FLI1: variants seen among roughly 807,000 people sequenced by gnomAD.
FLI1 encodes Friend leukemia integration 1 transcription factor.
FLI1 carries 13 observed loss-of-function variants against 53.1 expected under a neutral mutation model. The observed-to-expected ratio is 0.24, with a 90% CI of 0.16 to 0.39. The LOEUF (loss-of-function observed/expected upper bound fraction) is 0.39. Among genes scored for constraint, FLI1 ranks in the 10% least tolerant of loss-of-function variants. The pLI is 1.00. For missense variants in FLI1, 424 were observed against 600.5 expected (o/e 0.71, Z 3.07); for synonymous variants, 244 against 236.7 (o/e 1.03, Z -0.28).
intron 5 of FLI1, among the ~76,000 whole-genome samples, chr11:128,792,889 A>G (rs538416013): frequency 6.6e-6 from 1 of 152,256 alleles, no homozygotes; most frequent in Non-Finnish European, 1.5e-5. Context: ...ACCCAAGGTG[A>G]GAGGATCACT....
At chr11:128,807,091 A>G in intron 6 of FLI1, 89 bp from the exon 7 acceptor site, 1 of 659,450 alleles carries the variant, frequency 1.5e-6, no homozygotes. Flanking sequence ...TGGGCGAAGG[A>G]ATGAGTGAGA....
At chr11:128,767,408 C>A (rs890187682) in intron 2 of FLI1, among the ~76,000 whole-genome samples, 11 of 152,304 alleles carry the variant, frequency 7.2e-5, no homozygotes, top group African/African-American at 2.4e-4. Context: ...AGACCTGAGT[C>A]CTGTTTCCAC....
At chr11:128,763,955 GT>G (rs1255990099) in intron 2 of FLI1, among the ~76,000 whole-genome samples, 3 of 152,218 alleles carry the variant, frequency 2.0e-5, no homozygotes, top group Non-Finnish European at 4.4e-5. Context: ...AATACAGATT[GT>G]TTAATTTTTG....
At chr11:128,760,164 C>T (rs1941051088) in intron 2 of FLI1, among the ~76,000 whole-genome samples, 1 of 152,186 alleles carries the variant, frequency 6.6e-6, no homozygotes, top group Admixed American at 6.5e-5. Flanking sequence ...GTGTGTTGAA[C>T]GTTTTCCCAT....
At position 128,809,513 on chromosome 11, in the gene FLI1, A is replaced by G. The variant is rs116611490; in HGVS notation, c.829+309A>G. 5.3e-3 allele frequency among the ~76,000 whole-genome samples: 808 copies of G among 152,326 alleles called. 8 individuals are homozygous for G. The highest frequency in any genetic ancestry group is 0.017 in the African/African-American group (689 of 41,560). On this transcript the variant is annotated intron_variant, in intron 8 of 8. Transcript: ENST00000527786. ...GTTTCAATCAGAGAAAATGGGCAAGAAAGAAAAGAAGACAACTCCACTCAG... is the reference window on the plus strand; with the variant it reads ...GTTTCAATCAGAGAAAATGGGCAAGGAAGAAAAGAAGACAACTCCACTCAG...
chr11:128,727,254 G>A (rs1040729748), intron 1 of FLI1, among the ~76,000 whole-genome samples: 2 of 152,200 alleles, frequency 1.3e-5, no homozygotes, highest in South Asian at 4.1e-4. Flanking sequence ...ATTTCATAAG[G>A]CTATGGTGAG....
intron 1 of FLI1, among the ~76,000 whole-genome samples, chr11:128,744,389 T>C (rs1276206830): frequency 6.6e-6 from 1 of 152,228 alleles, no homozygotes; most frequent in Non-Finnish European, 1.5e-5. Context: ...CCCAGAGAGA[T>C]AAAGTGCCTT....
intron 1 of FLI1, among the ~76,000 whole-genome samples, chr11:128,723,102 G>T (rs1939322384): frequency 6.6e-6 from 1 of 152,138 alleles, no homozygotes; most frequent in Admixed American, 6.5e-5. Flanking sequence ...ATCCCGCTCT[G>T]AAGGCTCCAC....
upstream of FLI1, among the ~76,000 whole-genome samples, chr11:128,689,433 C>G (rs1010429914): frequency 2.0e-5 from 3 of 152,186 alleles, no homozygotes; most frequent in Admixed American, 6.5e-5. Flanking sequence ...TGCTCTAACT[C>G]CTTCACTTAT....
In FLI1 at chr11:128,717,965, T is replaced by G. The variant is rs576124568; in HGVS notation, c.18+23689T>G. Among the ~76,000 whole-genome samples, 352 of 152,328 alleles carry G rather than the reference T, an allele frequency of 2.3e-3. 2 individuals are homozygous for G. Among genetic ancestry groups the G allele is most frequent in the African/African-American group, 8.1e-3 (336 of 41,574 alleles). The stretch of plus-strand genomic sequence containing the variant: ...TCCTCCAGATGTTCCCAAAAGGATC[T>G]CTAAGGTGTTGCTGGGGATGTTGTG... On this transcript the variant is annotated intron_variant, in intron 1 of 8. Coordinates refer to ENST00000527786, the MANE Select transcript of FLI1 (RefSeq NM_002017.5).
chr11:128,696,331 T>G (rs1199453844), intron 1 of FLI1, among the ~76,000 whole-genome samples: 1 of 152,176 alleles, frequency 6.6e-6, no homozygotes, highest in Non-Finnish European at 1.5e-5. Flanking sequence ...TGTGTGTTGG[T>G]GTTTAAGTTG....
intron 3 of FLI1, among the ~76,000 whole-genome samples, chr11:128,772,027 ACCACACACACACAC>A (rs1250633173): frequency 1.7e-5 from 2 of 116,216 alleles, no homozygotes; most frequent in Non-Finnish European, 3.5e-5. Context: ...CAACATCCCC[ACCACACACACACAC>A]ACACACACAC....
chr11:128,772,899 G>C lies in FLI1; in HGVS notation c.503G>C (p.Cys168Ser). ...CAGAACATGGATGGCAAGGAACTGT[G>C]TAAAATGAACAAGGAGGACTTCCTC... is the stretch of plus-strand genomic sequence containing the variant. ...FFQNMDGKEL[C>S]KMNKEDFLRA... The change falls in exon 4 of 9, where the codon TGT becomes TCT. Residue 168 changes from cysteine to serine, a missense_variant. Transcript: ENST00000527786. 6.2e-7 allele frequency: 1 copy of C among 1,614,040 alleles called. No homozygotes were observed. Among genetic ancestry groups the C allele is most frequent in the Middle Eastern group, 1.6e-4 (1 of 6,062 alleles).
chr11:128,723,291 C>T (rs554412332), intron 1 of FLI1, among the ~76,000 whole-genome samples: 22 of 152,122 alleles, frequency 1.4e-4, no homozygotes, highest in African/African-American at 3.1e-4. Flanking sequence ...GCAGTGTAGG[C>T]GGGATGGAAG....
chr11:128,724,168 C>T (rs1939372678), intron 1 of FLI1, among the ~76,000 whole-genome samples: 1 of 152,122 alleles, frequency 6.6e-6, no homozygotes, highest in Non-Finnish European at 1.5e-5. Flanking sequence ...TGGTCTCGAA[C>T]TCTTTACCTC....
At chr11:128,685,153 C>G (rs1025673335), upstream of FLI1, among the ~76,000 whole-genome samples, 1 of 152,260 alleles carries the variant, frequency 6.6e-6, no homozygotes, top group East Asian at 1.9e-4. Flanking sequence ...AGCTCCTGCA[C>G]AGCGGCTCCT....
chr11:128,712,417 A>G (rs539074443), intron 1 of FLI1, among the ~76,000 whole-genome samples: 52 of 152,320 alleles, frequency 3.4e-4, no homozygotes, highest in Non-Finnish European at 5.7e-4. Flanking sequence ...ATTCCGTTAT[A>G]GCTACAGAAA....
intron 5 of FLI1, among the ~76,000 whole-genome samples, chr11:128,797,636 G>A (rs185801828): frequency 2.0e-5 from 3 of 152,270 alleles, no homozygotes; most frequent in African/African-American, 7.2e-5. Flanking sequence ...TTTGTCTAGC[G>A]ATTGTTGTGT....
At chr11:128,790,278 A>ATTTTTTTTGTTTTT (rs1942232695) in intron 5 of FLI1, among the ~76,000 whole-genome samples, 1 of 143,528 alleles carries the variant, frequency 7.0e-6, no homozygotes. Flanking sequence ...CACGAGAGAG[A>ATTTTTTTTGTTTTT]GATTAAGAGA....
Sources: gnomAD v4.1 joint callset for allele counts (sites outside exome capture counted in the v4.1 genomes callset) on GRCh38, gnomAD v4.1.1 for gene constraint, MANE v1.5 for transcripts, NCBI Gene and HGNC (gene_info 2026-07-23, HGNC 2026-07-21) for gene names.